DENND2B: variants seen among roughly 807,000 people sequenced by gnomAD.
The protein encoded by DENND2B is DENN domain containing 2B, also known as DENN domain-containing protein 2B.
A neutral mutation model predicts 116.0 loss-of-function variants in DENND2B; 32 were observed. The observed-to-expected ratio is 0.28, with a 90% CI of 0.21 to 0.37. DENND2B has a LOEUF of 0.37. Ranked by LOEUF, DENND2B falls within the 10% of genes least tolerant of loss-of-function variation. The pLI is 1.00. For synonymous variants in DENND2B, 588 were observed against 583.9 expected (o/e 1.01, Z -0.10); for missense variants, 1,276 against 1,477.7 (o/e 0.86, Z 2.24).
intron 2 of DENND2B, among the ~76,000 whole-genome samples, chr11:8,742,646 AG>A (rs2050420353): frequency 6.6e-6 from 1 of 152,242 alleles, no homozygotes; most frequent in South Asian, 2.1e-4. Flanking sequence ...AAGAGAAAAG[AG>A]GTAAACTAAG....
intron 1 of DENND2B, among the ~76,000 whole-genome samples, chr11:8,883,171 T>G (rs2063920969): frequency 6.6e-6 from 1 of 152,124 alleles, no homozygotes; most frequent in Non-Finnish European, 1.5e-5. Context: ...AGAACACATT[T>G]TGTTGTTGTT....
intron 4 of DENND2B, 159 bp from the exon 5 acceptor site, chr11:8,718,051 G>A: frequency 2.9e-6 from 2 of 690,554 alleles, no homozygotes; most frequent in Non-Finnish European, 4.7e-6. Context: ...GTCTGCAGTG[G>A]GGAGGCTACA....
At chr11:8,697,455 C>T in intron 17 of DENND2B, 70 bp downstream of exon 17, 1 of 1,239,900 alleles carries the variant, frequency 8.1e-7, no homozygotes, top group East Asian at 2.3e-5. Flanking sequence ...GAGTTCTGGC[C>T]CTATGGGGCC....
At chr11:8,748,272 A>G (rs1202202099) in intron 2 of DENND2B, among the ~76,000 whole-genome samples, 1 of 152,186 alleles carries the variant, frequency 6.6e-6, no homozygotes, top group Non-Finnish European at 1.5e-5. Context: ...CACCTATTGA[A>G]AGGTCAAACT....
intron 4 of DENND2B, among the ~76,000 whole-genome samples, chr11:8,725,633 C>T (rs1313432909): frequency 6.6e-6 from 1 of 152,138 alleles, no homozygotes; most frequent in Non-Finnish European, 1.5e-5. Context: ...GCTGGAATTA[C>T]AGGCACGAGC....
At chr11:8,873,257 A>G (rs1017377338), upstream of DENND2B, among the ~76,000 whole-genome samples, 8 of 152,242 alleles carry the variant, frequency 5.3e-5, no homozygotes, top group Non-Finnish European at 7.3e-5. Flanking sequence ...CAGGACAATA[A>G]TTATTTTCAT....
chr11:8,825,872 G>T (rs1594125946), intron 4 of DENND2B, among the ~76,000 whole-genome samples: 2 of 152,110 alleles, frequency 1.3e-5, no homozygotes, highest in East Asian at 3.8e-4. Context: ...AAAACACAGG[G>T]CCCAGATCAA....
At chr11:8,847,450 C>A (rs564820268) in intron 3 of DENND2B, among the ~76,000 whole-genome samples, 2 of 152,120 alleles carry the variant, frequency 1.3e-5, no homozygotes, top group Non-Finnish European at 2.9e-5. Context: ...AAAAGAATTT[C>A]TCACAAATCT....
rs1349534063 is a variant in DENND2B, at chr11:8,894,894, T to A, written c.-255-13785A>T. ...TACCATTTGACCCAGTGATCCCATT[T>A]CTGGGTATATACCCAAAGGATTATA... On this transcript the variant is annotated intron_variant, in intron 1 of 22. Coordinates refer to the DENND2B transcript ENST00000534127. Among the ~76,000 whole-genome samples the A allele has an allele frequency of 2.4e-3, 367 of 152,222 alleles. 2 individuals are homozygous for A. Among genetic ancestry groups the A allele is most frequent in the Middle Eastern group, 6.8e-3 (2 of 294 alleles).
intron 4 of DENND2B, chr11:8,718,470 T>G (rs2045511809): frequency 1.3e-6 from 2 of 1,494,316 alleles, no homozygotes; most frequent in African/African-American, 1.4e-5. Context: ...GGGTTTTGTG[T>G]TGTTCACTGA....
chr11:8,735,363 G>C (rs886176527), intron 2 of DENND2B, among the ~76,000 whole-genome samples: 20 of 152,206 alleles, frequency 1.3e-4, no homozygotes, highest in African/African-American at 4.6e-4. Context: ...CTTGGACCCA[G>C]ACCCAGCCGG....
At chr11:8,838,443 A>T (rs2062511252) in intron 4 of DENND2B, among the ~76,000 whole-genome samples, 1 of 152,234 alleles carries the variant, frequency 6.6e-6, no homozygotes, top group African/African-American at 2.4e-5. Context: ...GTTATAGGAG[A>T]AACATCTGCC....
chr11:8,902,887 C>T (rs1302887125), intron 1 of DENND2B, among the ~76,000 whole-genome samples: 1 of 152,154 alleles, frequency 6.6e-6, no homozygotes, highest in Non-Finnish European at 1.5e-5. Flanking sequence ...ACATTATTAT[C>T]GAGATGGCTG....
At chr11:8,840,468 G>C (rs546097903) in intron 3 of DENND2B, among the ~76,000 whole-genome samples, 3 of 152,304 alleles carry the variant, frequency 2.0e-5, no homozygotes, top group African/African-American at 7.2e-5. Flanking sequence ...ACCTAGGCCT[G>C]AGTCGGGCAA....
intron 1 of DENND2B, among the ~76,000 whole-genome samples, chr11:8,806,279 A>C (rs2060827714): frequency 6.6e-6 from 1 of 152,102 alleles, no homozygotes; most frequent in South Asian, 2.1e-4. Context: ...GCTCACACAC[A>C]ACCCCTTTGG....
chr11:8,865,085 A>C lies in DENND2B; in HGVS notation c.-250+5869T>G, dbSNP rs543976975. On this transcript the variant is annotated intron_variant, in intron 2 of 6. Transcript: ENST00000524757. Reference sequence around the variant, plus strand: ...TCCCATAAAAAGGGGCTTATTTCTAATGCTACTAACAAAGGGTTAAGCAGA... The same window carrying C: ...TCCCATAAAAAGGGGCTTATTTCTACTGCTACTAACAAAGGGTTAAGCAGA... Among the ~76,000 whole-genome samples the C allele has an allele frequency of 5.2e-4, 79 of 151,484 alleles. 1 individual carries two copies. Among genetic ancestry groups the C allele is most frequent in the Non-Finnish European group, 9.3e-4 (63 of 67,920 alleles).
intron 4 of DENND2B, among the ~76,000 whole-genome samples, chr11:8,826,360 A>G (rs2061978560): frequency 6.6e-6 from 1 of 152,218 alleles, no homozygotes; most frequent in African/African-American, 2.4e-5. Context: ...ATTTTTAACT[A>G]TCAGAGTGAA....
intron 1 of DENND2B, among the ~76,000 whole-genome samples, chr11:8,757,823 G>C (rs937315090): frequency 2.0e-5 from 3 of 152,174 alleles, no homozygotes; most frequent in African/African-American, 4.8e-5. Flanking sequence ...CCAGCTCTGG[G>C]CCAGGACCCT....
At chr11:8,802,634 G>A (rs1348617101) in intron 1 of DENND2B, among the ~76,000 whole-genome samples, 1 of 152,132 alleles carries the variant, frequency 6.6e-6, no homozygotes, top group Non-Finnish European at 1.5e-5. Flanking sequence ...TTTGCGTCTG[G>A]GCACTAACTG....
Sources: allele counts gnomAD v4.1 joint callset (sites outside exome capture counted in the v4.1 genomes callset), GRCh38; gene constraint gnomAD v4.1.1; transcripts MANE v1.5; gene names NCBI Gene and HGNC (gene_info 2026-07-23, HGNC 2026-07-21).